CHCHD7: variants seen among roughly 807,000 people sequenced by gnomAD.
The protein encoded by CHCHD7 is coiled-coil-helix-coiled-coil-helix domain containing 7.
In CHCHD7, 7 loss-of-function variants were observed where a neutral mutation model predicts 10.5. The ratio of observed to expected loss-of-function variants is 0.67; its 90% CI spans 0.38 to 1.25. The LOEUF is 1.25. Among genes scored for constraint, CHCHD7 ranks in the 50% most tolerant of loss-of-function variants. CHCHD7 has a pLI of 0.02. For missense variants in CHCHD7, 100 were observed against 104.5 expected (o/e 0.96, Z 0.19); for synonymous variants, 40 against 36.0 (o/e 1.11, Z -0.40).
chr8:56,212,971 G>A lies in CHCHD7; in HGVS notation c.-17+1134G>A, dbSNP rs1424713661. ...TATAGAGTAGGATACTTTCATGTAA[G>A]GCACGAAACTTAAATTTAATGCAAG... is the stretch of plus-strand genomic sequence containing the variant. On this transcript the variant is annotated intron_variant, in intron 1 of 3. Coordinates refer to ENST00000355315, the MANE Select transcript of CHCHD7 (RefSeq NM_001011671.3). 1.3e-5 allele frequency: 13 copies of A among 1,019,332 alleles called. No individual in the cohort carries two copies. In the East Asian group the frequency reaches 2.6e-4, roughly 21 times the overall value. The allele number at this position is 1,019,332 out of a possible 1,614,324, so 63.1% of individuals were successfully genotyped here.
At chr8:56,216,352 G>T (rs765210448) in intron 2 of CHCHD7, 81 bp from the exon 3 acceptor site, 21 of 1,578,870 alleles carry the variant, frequency 1.3e-5, no homozygotes, top group Non-Finnish European at 1.8e-5. Context: ...TTGCTTCTGG[G>T]GAAGCAGCTT....
At chr8:56,217,226 G>T in intron 3 of CHCHD7, 105 bp from the exon 4 acceptor site, 3 of 635,658 alleles carry the variant, frequency 4.7e-6, no homozygotes, top group Admixed American at 3.3e-5. Flanking sequence ...TTGGTTTTTA[G>T]AATTTCCTTT....
rs190826950 is a variant in CHCHD7 at position 56,217,605 on chromosome 8, C to T, written c.*170C>T. 214 of 503,676 alleles carry T rather than the reference C, an allele frequency of 4.2e-4. 1 individual carries two copies. Among genetic ancestry groups the T allele is most frequent in the Non-Finnish European group, 1.1e-4 (31 of 281,194 alleles). 31.2% of individuals were successfully genotyped at this position (503,676 alleles called of 1,614,324 possible). On this transcript the variant is annotated 3_prime_UTR_variant, in exon 4 of 4. Coordinates refer to ENST00000355315, the MANE Select transcript of CHCHD7 (RefSeq NM_001011671.3). ...TTTTTGCTTGCTCTCAGTGCCATGC[C>T]GATGGTATGTTGCTGTTGGCTGTGT...
intron 1 of CHCHD7, chr8:56,213,125 G>A (rs921465223): frequency 2.2e-5 from 8 of 362,692 alleles, no homozygotes; most frequent in Non-Finnish European, 3.4e-5. Flanking sequence ...TTAGGAAGAA[G>A]GGAAGTGTGG....
rs1427034604 is a variant in CHCHD7 at position 56,213,090 on chromosome 8, AATTT to A, written c.-17+1259_-17+1262del. ...GATAGGTGTAAAAAAGAAAGCTGTG[AATTT>A]ATTTACTATCATCATCTCTCTTAGG... On this transcript the variant is annotated intron_variant, in intron 1 of 3. Coordinates refer to ENST00000355315, the MANE Select transcript of CHCHD7 (RefSeq NM_001011671.3). 2.8e-5 allele frequency: 12 copies of A among 426,598 alleles called. No homozygotes were observed. In the Admixed American group the frequency reaches 2.9e-4, roughly 10 times the overall value. 26.4% of individuals were successfully genotyped at this position (426,598 alleles called of 1,614,324 possible). A position where few individuals can be genotyped will look rare whatever the true frequency, so the allele number is the denominator to read the frequency against.
chr8:56,215,186 C>G (rs973013180), intron 2 of CHCHD7: 2 of 153,308 alleles, frequency 1.3e-5, no homozygotes, highest in Non-Finnish European at 1.5e-5. Context: ...TGTGGCTTTG[C>G]TACGTTTGAA....
rs776825810 is a variant in CHCHD7, at chr8:56,217,353, G to T, written c.176G>T (p.Arg59Ile). 3.0e-5 allele frequency: 49 copies of T among 1,611,514 alleles called. 2 individuals carry two copies. In the South Asian group the frequency reaches 4.9e-4, roughly 16 times the overall value. ...RFWNSIVMQRRKNGVKPFMPT... is the reference protein window; with the variant it reads ...RFWNSIVMQRIKNGVKPFMPT... ...CAGAATTCTATCGTGATGCAGAGAAGAAAGAACGGAGTGAAGCCATTTATG... is the reference window on the plus strand; with the variant it reads ...CAGAATTCTATCGTGATGCAGAGAATAAAGAACGGAGTGAAGCCATTTATG... Residue 59 changes from arginine to isoleucine, a missense_variant, in exon 4 of 4, where the codon AGA becomes ATA. Coordinates refer to ENST00000355315, the MANE Select transcript of CHCHD7 (RefSeq NM_001011671.3).
intron 1 of CHCHD7, chr8:56,213,153 G>A: frequency 5.9e-6 from 2 of 339,662 alleles, no homozygotes; most frequent in Non-Finnish European, 1.1e-5. Flanking sequence ...TTGTCTTCAG[G>A]AGAGGAAGAA....
chr8:56,217,705 TG>T lies in CHCHD7; in HGVS notation c.*273del. ...TACATGAGAAATTGAGCTTTTCCAC[TG>T]GGTTTTGAAAGAAGAGTATGATGTG... On this transcript the variant is annotated 3_prime_UTR_variant, in exon 4 of 4. Transcript: ENST00000355315. The T allele has an allele frequency of 2.9e-6, 1 of 340,062 alleles. No homozygotes were observed. The highest frequency in any genetic ancestry group is 5.5e-6 in the Non-Finnish European group (1 of 182,794). The allele number at this position is 340,062 out of a possible 1,614,324, so 21.1% of individuals were successfully genotyped here.
At chr8:56,213,180 G>A in intron 1 of CHCHD7, 1 of 286,992 alleles carries the variant, frequency 3.5e-6, no homozygotes, top group Non-Finnish European at 6.4e-6. Context: ...AGATATAATT[G>A]AACAGCATCT....
At chr8:56,215,920 G>A (rs117587383) in intron 2 of CHCHD7, among the ~76,000 whole-genome samples, 512 of 152,254 alleles carry the variant, frequency 3.4e-3, no homozygotes, top group Non-Finnish European at 5.8e-3. Flanking sequence ...TGGAGTAAAT[G>A]GTAGCCAAAA....
intron 1 of CHCHD7, chr8:56,212,063 CTCT>C (rs1191850172): frequency 6.5e-6 from 1 of 153,102 alleles, no homozygotes; most frequent in Non-Finnish European, 1.5e-5. Context: ...GCAACCCCAG[CTCT>C]TCTTCCACTC....
chr8:56,216,615 C>T lies in CHCHD7; in HGVS notation c.153+84C>T, dbSNP rs1180950844. 5.1e-6 allele frequency: 7 copies of T among 1,364,662 alleles called. No homozygotes were observed. The African/African-American group carries it at 8.6e-5, about 17-fold the overall frequency. The allele number at this position is 1,364,662 out of a possible 1,614,324, so 84.5% of individuals were successfully genotyped here. A position where few individuals can be genotyped will look rare whatever the true frequency, so the allele number is the denominator to read the frequency against. ...CCTAAAATTAGTCAGTACCCACAAT[C>T]CTTTCCCACTGATGGCTGTAGGGAA... On this transcript the variant is annotated intron_variant, in intron 3 of 3. Transcript: ENST00000355315.
At chr8:56,213,018 T>G in intron 1 of CHCHD7, 1 of 669,714 alleles carries the variant, frequency 1.5e-6, no homozygotes, top group South Asian at 1.9e-5. Flanking sequence ...CTTGTTGAGA[T>G]TATTAAATCT....
intron 1 of CHCHD7, 43 bp from the exon 2 acceptor site, chr8:56,214,555 C>T (rs772219094): frequency 1.0e-5 from 15 of 1,450,820 alleles, no homozygotes; most frequent in Non-Finnish European, 1.3e-5. Flanking sequence ...GATTTATTTT[C>T]TGTCAACTAC....
Position 56,214,585 on chromosome 8 carries a change from T to C in CHCHD7, c.-16-13T>C. On this transcript the variant is annotated splice_polypyrimidine_tract_variant and intron_variant, in intron 1 of 3. Transcript: ENST00000355315. ...AACTACTGTATAATTATTTTTTTTC[T>C]GTCTACCCTCAGTAAGAAGACTGTT... The C allele has an allele frequency of 6.3e-7, 1 of 1,599,250 alleles. No individual in the cohort carries two copies. The highest frequency in any genetic ancestry group is 8.6e-7 in the Non-Finnish European group (1 of 1,167,808).
In CHCHD7 at chr8:56,217,755, T is replaced by C. The variant is rs1026725579; in HGVS notation, c.*320T>C. 1.2e-5 allele frequency: 3 copies of C among 258,010 alleles called. No homozygotes were observed. Among genetic ancestry groups the C allele is most frequent in the Non-Finnish European group, 1.5e-5 (2 of 133,882 alleles). The allele number at this position is 258,010 out of a possible 1,614,324, so 16.0% of individuals were successfully genotyped here. A position where few individuals can be genotyped will look rare whatever the true frequency, so the allele number is the denominator to read the frequency against. On this transcript the variant is annotated 3_prime_UTR_variant, in exon 4 of 4. Coordinates refer to ENST00000355315, the MANE Select transcript of CHCHD7 (RefSeq NM_001011671.3). ...TGAACAAGTAAAGACTGAATGGGGC[T>C]GAGATGAAGGCAATGTTTCCAAGGA...
rs1399025147 is a variant in CHCHD7 at position 56,216,907 on chromosome 8, A to G, written c.153+376A>G. 6 of 500,704 alleles carry G rather than the reference A, an allele frequency of 1.2e-5. No homozygotes were observed. The East Asian group carries it at 1.9e-4, about 16-fold the overall frequency. 31.0% of individuals were successfully genotyped at this position (500,704 alleles called of 1,614,324 possible). ...TTCTGCCTTTTTCTCTCTCACTGCC[A>G]TCCGTGGAAGTTAAAATGGTCCATT... On this transcript the variant is annotated intron_variant, in intron 3 of 3. Coordinates refer to ENST00000355315, the MANE Select transcript of CHCHD7 (RefSeq NM_001011671.3).
Sources: allele counts gnomAD v4.1 joint callset (sites outside exome capture counted in the v4.1 genomes callset), GRCh38; gene constraint gnomAD v4.1.1; transcripts MANE v1.5; gene names NCBI Gene and HGNC (gene_info 2026-07-23, HGNC 2026-07-21).